Variants in MAML2 observed in about 807,000 individuals in gnomAD.
MAML2 encodes mastermind-like protein 2.
MAML2 carries 22 observed loss-of-function variants against 96.1 expected under a neutral mutation model. The observed-to-expected ratio is 0.23, with a 90% CI of 0.16 to 0.33. The LOEUF (loss-of-function observed/expected upper bound fraction) is 0.33. Among genes scored for constraint, MAML2 ranks in the 10% least tolerant of loss-of-function variants. The probability of loss-of-function intolerance (pLI) is 1.00; values close to 1 mark genes in which losing one functional copy is unlikely to be tolerated. For synonymous variants in MAML2, 561 were observed against 521.3 expected (o/e 1.08, Z -1.04); for missense variants, 1,367 against 1,392.4 (o/e 0.98, Z 0.29).
intron 1 of MAML2, among the ~76,000 whole-genome samples, chr11:96,194,764 T>G (rs1861704524): frequency 6.6e-6 from 1 of 151,448 alleles, no homozygotes; most frequent in Admixed American, 6.6e-5. Context: ...CTTTCTTTAT[T>G]CTCAGGAAGA....
chr11:96,281,416 G>C (rs1342349006), intron 1 of MAML2, among the ~76,000 whole-genome samples: 1 of 152,070 alleles, frequency 6.6e-6, no homozygotes, highest in Non-Finnish European at 1.5e-5. Flanking sequence ...GGGAGGTGTG[G>C]GGAAGCAAGC....
rs1862334028 is a variant in MAML2, at chr11:96,234,020, A to G, written c.513+107363T>C. On this transcript the variant is annotated intron_variant, in intron 1 of 4. Transcript: ENST00000524717. ...TCCTATGTCTTTCCATCCTATATTT[A>G]AGTCTTGCTTCTGGATTAAGACTGG... Among the ~76,000 whole-genome samples, 2 of 152,166 alleles carry G rather than the reference A, an allele frequency of 1.3e-5. 1 individual carries two copies. The highest frequency in any genetic ancestry group is 4.1e-4 in the South Asian group (2 of 4,832).
chr11:96,205,117 A>C (rs1219961220), intron 1 of MAML2, among the ~76,000 whole-genome samples: 1 of 152,210 alleles, frequency 6.6e-6, no homozygotes, highest in Non-Finnish European at 1.5e-5. Flanking sequence ...CAACATGGTG[A>C]AATGCATAAC....
intron 1 of MAML2, among the ~76,000 whole-genome samples, chr11:96,117,870 A>G (rs921535397): frequency 6.6e-6 from 1 of 152,228 alleles, no homozygotes; most frequent in Non-Finnish European, 1.5e-5. Flanking sequence ...GCCTTTTACC[A>G]GGTGACTCCA....
At chr11:96,063,112 A>G (rs1859193425) in intron 2 of MAML2, among the ~76,000 whole-genome samples, 1 of 151,930 alleles carries the variant, frequency 6.6e-6, no homozygotes, top group Non-Finnish European at 1.5e-5. Context: ...TTTCTTTCCC[A>G]GTACATTCCT....
intron 1 of MAML2, among the ~76,000 whole-genome samples, chr11:96,101,698 G>A (rs1483587633): frequency 3.9e-5 from 6 of 152,184 alleles, no homozygotes; most frequent in Non-Finnish European, 7.3e-5. Context: ...ATCACCGGCA[G>A]CTCTTTTTCA....
chr11:96,253,825 A>G (rs945948367), intron 1 of MAML2, among the ~76,000 whole-genome samples: 7 of 152,214 alleles, frequency 4.6e-5, no homozygotes, highest in African/African-American at 1.7e-4. Context: ...ATTAGATGGA[A>G]ACATCTAATG....
intron 1 of MAML2, among the ~76,000 whole-genome samples, chr11:96,136,577 G>C (rs1199302835): frequency 6.6e-6 from 1 of 152,048 alleles, no homozygotes; most frequent in Non-Finnish European, 1.5e-5. Context: ...CAAAGTTGGG[G>C]AAAACAGACC....
intron 1 of MAML2, among the ~76,000 whole-genome samples, chr11:96,275,548 C>T (rs1048023041): frequency 1.3e-5 from 2 of 152,150 alleles, no homozygotes; most frequent in Admixed American, 1.3e-4. Context: ...GGATTACAGG[C>T]ATGAGCCACC....
intron 1 of MAML2, among the ~76,000 whole-genome samples, chr11:96,177,916 TTGTG>T (rs58447778): frequency 0.03 from 4,128 of 139,858 alleles, 168 homozygotes; most frequent in African/African-American, 0.088. Flanking sequence ...GAGACCTTAG[TTGTG>T]TGTGTGTGTG....
chr11:96,209,516 A>G (rs1304002711), intron 1 of MAML2, among the ~76,000 whole-genome samples: 1 of 152,126 alleles, frequency 6.6e-6, no homozygotes, highest in Non-Finnish European at 1.5e-5. Context: ...CGGAGGTTGC[A>G]GTGAGCGGAG....
intron 2 of MAML2, among the ~76,000 whole-genome samples, chr11:96,001,222 G>A (rs1225880869): frequency 1.8e-4 from 27 of 152,150 alleles, no homozygotes; most frequent in Middle Eastern, 3.2e-3. Flanking sequence ...CACGTATTAC[G>A]GGTTGGCACA....
intron 1 of MAML2, among the ~76,000 whole-genome samples, chr11:96,252,078 G>A (rs555200962): frequency 6.6e-6 from 1 of 152,120 alleles, no homozygotes; most frequent in South Asian, 2.1e-4. Flanking sequence ...GACACTCCTG[G>A]TTGTATGGCC....
At chr11:96,298,436 C>T (rs540103181) in intron 1 of MAML2, among the ~76,000 whole-genome samples, 2 of 152,242 alleles carry the variant, frequency 1.3e-5, no homozygotes, top group South Asian at 2.1e-4. Flanking sequence ...AGAAGAAGAA[C>T]ATCCTTTCCT....
In MAML2 at chr11:95,978,952, G is replaced by C; in HGVS notation, c.3467C>G (p.Ser1156Cys). 1 of 1,603,598 alleles carries C rather than the reference G, an allele frequency of 6.2e-7. No individual in the cohort carries two copies. Among genetic ancestry groups the C allele is most frequent in the Non-Finnish European group, 8.5e-7 (1 of 1,175,150 alleles). The change falls in exon 5 of 5, where the codon TCC (serine) becomes TGC (cysteine). Residue 1156 changes from serine (S) to cysteine (C), a missense_variant. Ser to Cys is a moderately radical substitution (Grantham distance 112). Coordinates refer to ENST00000524717, the MANE Select transcript of MAML2 (RefSeq NM_032427.4). ...AAATTGTCTTCCCTTTCTTCTTTAG[G>C]AATTGTTCCCCAAGATTTCATCAAG... ...INLDEILGNN[S>C]
At chr11:96,286,282 C>T (rs1442479189) in intron 1 of MAML2, among the ~76,000 whole-genome samples, 2 of 152,158 alleles carry the variant, frequency 1.3e-5, no homozygotes, top group Admixed American at 6.5e-5. Flanking sequence ...GACGAGAACA[C>T]ATGAACACAT....
At chr11:96,036,261 A>G (rs962206957) in intron 2 of MAML2, among the ~76,000 whole-genome samples, 3 of 152,182 alleles carry the variant, frequency 2.0e-5, no homozygotes, top group Non-Finnish European at 4.4e-5. Context: ...GGGGTAAGAT[A>G]TAGGTATAGG....
In MAML2 at chr11:96,184,885, C is replaced by T. The variant is rs140233042; in HGVS notation, c.514-91368G>A. 4.5e-3 allele frequency among the ~76,000 whole-genome samples: 679 copies of T among 152,240 alleles called. 4 individuals carry two copies. The highest frequency in any genetic ancestry group is 0.01 in the Middle Eastern group (3 of 294). ...CTGGGATTACAGGCGTGAGCCACTGCGCCCAGCCCAAAAAATGTTTTTTAA... is the reference window on the plus strand; with the variant it reads ...CTGGGATTACAGGCGTGAGCCACTGTGCCCAGCCCAAAAAATGTTTTTTAA... On this transcript the variant is annotated intron_variant, in intron 1 of 4. Transcript: ENST00000524717.
intron 1 of MAML2, among the ~76,000 whole-genome samples, chr11:96,168,477 A>G (rs927541690): frequency 6.6e-6 from 1 of 152,216 alleles, no homozygotes; most frequent in African/African-American, 2.4e-5. Context: ...CTCAGGCTTT[A>G]GTGTGCTTTA....
Sources: gnomAD v4.1 joint callset for allele counts (sites outside exome capture counted in the v4.1 genomes callset) on GRCh38, gnomAD v4.1.1 for gene constraint, MANE v1.5 for transcripts, NCBI Gene and HGNC (gene_info 2026-07-23, HGNC 2026-07-21) for gene names.